The following OR3A2 variants were observed in gnomAD, a reference collection of about 807,000 sequenced individuals.
OR3A2 encodes the protein olfactory receptor 3A2.
For synonymous variants in OR3A2, 126 were observed against 159.3 expected (o/e 0.79, Z 1.57); for missense variants, 318 against 392.8 (o/e 0.81, Z 1.61).
intron 3 of OR3A2, among the ~76,000 whole-genome samples, chr17:3,325,610 A>G (rs2049164852): frequency 6.6e-6 from 1 of 152,180 alleles, no homozygotes; most frequent in Admixed American, 6.5e-5. Flanking sequence ...ATTCTGTTAC[A>G]GCAGTCCGTG....
At chr17:3,380,422 T>C (rs1346170280) in intron 2 of OR3A2, among the ~76,000 whole-genome samples, 1 of 152,174 alleles carries the variant, frequency 6.6e-6, no homozygotes, top group Non-Finnish European at 1.5e-5. Context: ...CTGCTTTCCC[T>C]GTCTATGACA....
intron 1 of OR3A2, among the ~76,000 whole-genome samples, chr17:3,284,071 G>A (rs1029314298): frequency 1.8e-4 from 27 of 148,644 alleles, no homozygotes; most frequent in African/African-American, 6.6e-4. Context: ...CAAGGACTTC[G>A]CTGGAGCGAG....
intron 2 of OR3A2, among the ~76,000 whole-genome samples, chr17:3,353,645 G>C (rs571841528): frequency 2.1e-4 from 32 of 151,806 alleles, no homozygotes; most frequent in African/African-American, 7.5e-4. Flanking sequence ...CTGTTGATAT[G>C]ATGCATCACA....
intron 2 of OR3A2, among the ~76,000 whole-genome samples, chr17:3,364,262 T>TA (rs1189664127): frequency 6.6e-6 from 1 of 152,218 alleles, no homozygotes; most frequent in Non-Finnish European, 1.5e-5. Context: ...TGGGGTATAA[T>TA]ATGTTTTGAT....
At chr17:3,286,949 T>C (rs2048818493), upstream of OR3A2, among the ~76,000 whole-genome samples, 1 of 152,232 alleles carries the variant, frequency 6.6e-6, no homozygotes, top group South Asian at 2.1e-4. Context: ...TCGGCTTTTG[T>C]TGCCATTGCT....
chr17:3,368,509 A>G (rs2049583516), intron 2 of OR3A2, among the ~76,000 whole-genome samples: 1 of 151,930 alleles, frequency 6.6e-6, no homozygotes, highest in African/African-American at 2.4e-5. Context: ...CCCCACTTTT[A>G]GCTTTTCGTT....
chr17:3,322,302 G>T (rs898266253), intron 3 of OR3A2, among the ~76,000 whole-genome samples: 4 of 151,714 alleles, frequency 2.6e-5, no homozygotes, highest in African/African-American at 9.7e-5. Context: ...TATCAATTTT[G>T]TTGATCTTTT....
chr17:3,343,130 T>C (rs1325718221), intron 2 of OR3A2, among the ~76,000 whole-genome samples: 1 of 152,220 alleles, frequency 6.6e-6, no homozygotes, highest in East Asian at 1.9e-4. Flanking sequence ...GTATCTAGGT[T>C]GCAGTGTCCC....
At chr17:3,378,989 C>A (rs2049710007) in intron 2 of OR3A2, among the ~76,000 whole-genome samples, 1 of 152,218 alleles carries the variant, frequency 6.6e-6, no homozygotes, top group African/African-American at 2.4e-5. Flanking sequence ...CTGAGACTCA[C>A]AGGGGAGAAA....
chr17:3,365,204 G>A (rs2049552434), intron 2 of OR3A2, among the ~76,000 whole-genome samples: 2 of 152,178 alleles, frequency 1.3e-5, no homozygotes, highest in East Asian at 1.9e-4. Context: ...GTTCCCGACT[G>A]TATCTTAGGT....
intron 3 of OR3A2, among the ~76,000 whole-genome samples, chr17:3,289,396 C>T (rs2048844017): frequency 6.6e-6 from 1 of 152,192 alleles, no homozygotes; most frequent in South Asian, 2.1e-4. Flanking sequence ...GGGAATCAGG[C>T]CTTTGGCCAT....
downstream of OR3A2, among the ~76,000 whole-genome samples, chr17:3,276,533 T>C (rs1241589048): frequency 6.6e-6 from 1 of 152,216 alleles, no homozygotes; most frequent in Non-Finnish European, 1.5e-5. Context: ...TTCTGAATAA[T>C]TTTTAAAATA....
chr17:3,375,945 G>A (rs1339567017), intron 2 of OR3A2, among the ~76,000 whole-genome samples: 1 of 152,210 alleles, frequency 6.6e-6, no homozygotes, highest in Non-Finnish European at 1.5e-5. Context: ...GTCCTGTGAT[G>A]TGATCTGTCT....
chr17:3,342,119 T>A (rs900358419), intron 2 of OR3A2, among the ~76,000 whole-genome samples: 2 of 152,168 alleles, frequency 1.3e-5, no homozygotes, highest in African/African-American at 4.8e-5. Context: ...CTCCATCAGG[T>A]CATTTAAAGT....
intron 3 of OR3A2, among the ~76,000 whole-genome samples, chr17:3,326,744 C>T (rs2049178622): frequency 7.3e-6 from 1 of 136,346 alleles, no homozygotes; most frequent in South Asian, 2.6e-4. Flanking sequence ...TGATATTCCC[C>T]TTCCTGTGTC....
chr17:3,329,077 G>T, intron 3 of OR3A2, among the ~76,000 whole-genome samples: 1 of 151,340 alleles, frequency 6.6e-6, no homozygotes, highest in East Asian at 1.9e-4. Context: ...GATCATGGTG[G>T]ATATGCTTTT....
chr17:3,324,478 A>C (rs1406994467), intron 3 of OR3A2, among the ~76,000 whole-genome samples: 1 of 151,812 alleles, frequency 6.6e-6, no homozygotes, highest in Non-Finnish European at 1.5e-5. Flanking sequence ...TTTTCTCCCC[A>C]TCTTTGTGGT....
chr17:3,279,011 C>A, intron 1 of OR3A2, 65 bp downstream of exon 4: 1 of 1,550,066 alleles, frequency 6.5e-7, no homozygotes, highest in Non-Finnish European at 8.7e-7. Flanking sequence ...ATGTTCAAAG[C>A]CCCGTGGCGA....
At chr17:3,334,641 T>C (rs937663203) in intron 3 of OR3A2, among the ~76,000 whole-genome samples, 1 of 152,206 alleles carries the variant, frequency 6.6e-6, no homozygotes, top group Non-Finnish European at 1.5e-5. Flanking sequence ...TTTTGCTGAT[T>C]GAGTTTTTCT....
Sources: gnomAD v4.1 joint callset for allele counts (sites outside exome capture counted in the v4.1 genomes callset) on GRCh38, gnomAD v4.1.1 for gene constraint, MANE v1.5 for transcripts, NCBI Gene and HGNC (gene_info 2026-07-23, HGNC 2026-07-21) for gene names.